LRRC40: variants seen among roughly 807,000 people sequenced by gnomAD.
The protein encoded by LRRC40 is leucine rich repeat containing 40.
In LRRC40, 76 loss-of-function variants were observed where a neutral mutation model predicts 72.8. The ratio of observed to expected loss-of-function variants is 1.04; its 90% CI spans 0.87 to 1.26. The LOEUF is 1.26. Ranked by LOEUF, LRRC40 falls within the 50% of genes most tolerant of loss-of-function variation. The probability of loss-of-function intolerance (pLI) is 0.00; values close to 1 mark genes in which losing one functional copy is unlikely to be tolerated. For synonymous variants in LRRC40, 243 were observed against 254.2 expected (o/e 0.96, Z 0.42); for missense variants, 684 against 698.9 (o/e 0.98, Z 0.24).
rs750375562 is a variant in LRRC40 at position 70,173,613 on chromosome 1, T to C, written c.1065+9A>G. 3 of 1,538,064 alleles carry C rather than the reference T, an allele frequency of 2.0e-6. No homozygotes were observed. In the South Asian group the frequency reaches 3.5e-5, roughly 18 times the overall value. Reference sequence around the variant, plus strand: ...ATTTAACAAAGAGCTGAATTCCAAATATACTTACACTTATAATTTCTCTTC... The same window carrying C: ...ATTTAACAAAGAGCTGAATTCCAAACATACTTACACTTATAATTTCTCTTC... On this transcript the variant is annotated intron_variant, in intron 8 of 14. Transcript: ENST00000370952.
Position 70,205,558 on chromosome 1 carries a change from C to G in LRRC40, c.-18G>C. ...CGCGACATGTTCAAAGTCCTAGGTC[C>G]AGAAGCTGCAGCCCCACCCGTGACG... On this transcript the variant is annotated 5_prime_UTR_variant, in exon 1 of 15. Transcript: ENST00000370952. 2.5e-6 allele frequency: 4 copies of G among 1,573,986 alleles called. 1 individual carries two copies. Among genetic ancestry groups the G allele is most frequent in the Middle Eastern group, 4.0e-4 (2 of 4,952 alleles).
rs1479458719 is a variant in LRRC40, at chr1:70,152,503, TGAGATCGACATCA to T, written c.1356_1368del (p.Asp453ValfsTer18). 6.2e-7 allele frequency: 1 copy of T among 1,608,096 alleles called. No homozygotes were observed. Among genetic ancestry groups the T allele is most frequent in the Admixed American group, 1.7e-5 (1 of 59,798 alleles). ...GATATAAAGGAAAGTTTATTAAAACTGAGATCGACATCAGAAACCATTTCCTTCAGTTCTACCA... is the reference window on the plus strand; with the variant it reads ...GATATAAAGGAAAGTTTATTAAAACTGAAACCATTTCCTTCAGTTCTACCA... On this transcript the variant is annotated frameshift_variant, in exon 12 of 15. Transcript: ENST00000370952. LOFTEE classifies it high-confidence loss of function.
chr1:70,179,011 T>A lies in LRRC40; in HGVS notation c.662-18A>T. 1.4e-6 allele frequency: 2 copies of A among 1,449,674 alleles called. No homozygotes were observed. Among genetic ancestry groups the A allele is most frequent in the Admixed American group, 2.4e-5 (1 of 42,538 alleles). 89.8% of individuals were successfully genotyped at this position (1,449,674 alleles called of 1,614,324 possible). A position where few individuals can be genotyped will look rare whatever the true frequency, so the allele number is the denominator to read the frequency against. On this transcript the variant is annotated intron_variant, in intron 5 of 14. Transcript: ENST00000370952. Reference sequence around the variant, plus strand: ...CTTCAACCCTGTAATATATATTCAGTAAAAAACAAAAATAGAGAAAAAAAA... The same window carrying A: ...CTTCAACCCTGTAATATATATTCAGAAAAAAACAAAAATAGAGAAAAAAAA...
intron 13 of LRRC40, among the ~76,000 whole-genome samples, chr1:70,150,481 G>T (rs1276421522): frequency 1.3e-5 from 2 of 152,152 alleles, no homozygotes; most frequent in African/African-American, 2.4e-5. Flanking sequence ...TACAGCACCA[G>T]CAGAATAATA....
chr1:70,179,089 G>T, intron 5 of LRRC40, 96 bp from the exon 6 acceptor site: 1 of 609,298 alleles, frequency 1.6e-6, no homozygotes, highest in South Asian at 4.2e-5. Flanking sequence ...ATCGCTATGA[G>T]GACTTATGAA....
intron 2 of LRRC40, 101 bp downstream of exon 2, chr1:70,188,991 G>T: frequency 1.1e-6 from 1 of 929,390 alleles, no homozygotes; most frequent in Non-Finnish European, 1.6e-6. Context: ...ATCTGTCCTT[G>T]CATTACCAAC....
chr1:70,160,907 T>C (rs1195247935), intron 9 of LRRC40, among the ~76,000 whole-genome samples: 1 of 150,888 alleles, frequency 6.6e-6, no homozygotes, highest in African/African-American at 2.4e-5. Flanking sequence ...CCAAACACAA[T>C]AAATAAAAGT....
Position 70,189,083 on chromosome 1 carries a change from T to C in LRRC40, c.333+9A>G. On this transcript the variant is annotated intron_variant, in intron 2 of 14. Coordinates refer to ENST00000370952, the MANE Select transcript of LRRC40 (RefSeq NM_017768.5). ...ATTAATAATCCATATTTATAGTCAG[T>C]CAACTTACATCAAGAACAGTCAGTG... The C allele has an allele frequency of 6.2e-7, 1 of 1,602,646 alleles. No homozygotes were observed.
chr1:70,198,482 TC>T (rs904168408), intron 1 of LRRC40, among the ~76,000 whole-genome samples: 1 of 152,168 alleles, frequency 6.6e-6, no homozygotes, highest in African/African-American at 2.4e-5. Context: ...CACCTCCAAC[TC>T]CATCTTCATT....
chr1:70,175,737 T>A (rs1668088686), intron 7 of LRRC40, 73 bp downstream of exon 7: 4 of 1,150,126 alleles, frequency 3.5e-6, no homozygotes, highest in Non-Finnish European at 4.8e-6. Context: ...CTTGGTTTTT[T>A]AACAAATATT....
chr1:70,165,791 T>A (rs902179266), intron 9 of LRRC40, among the ~76,000 whole-genome samples: 1 of 152,168 alleles, frequency 6.6e-6, no homozygotes, highest in African/African-American at 2.4e-5. Flanking sequence ...TTAGGCCCCA[T>A]TACCCCAAAA....
chr1:70,189,016 T>G (rs1668429985), intron 2 of LRRC40, 76 bp downstream of exon 2: 1 of 1,309,006 alleles, frequency 7.6e-7, no homozygotes, highest in Non-Finnish European at 1.1e-6. Flanking sequence ...CATGAAAGGT[T>G]TTCTGCTACC....
chr1:70,153,421 GAA>G (rs778504420), intron 11 of LRRC40, among the ~76,000 whole-genome samples: 1 of 142,516 alleles, frequency 7.0e-6, no homozygotes, highest in East Asian at 2.0e-4. Flanking sequence ...CATTAGCAAA[GAA>G]AAAAAAAAGA....
rs752934143 is a variant in LRRC40 at position 70,205,493 on chromosome 1, G to A, written c.48C>T (p.Phe16=). The part of the protein sequence containing the change: ...RIAGQDLRAG[F]KAGGRDCGTS... ...TACCGCAGTCTCTTCCACCTGCTTTGAAACCAGCGCGGAGATCCTGCCCCG... is the reference window on the plus strand; with the variant it reads ...TACCGCAGTCTCTTCCACCTGCTTTAAAACCAGCGCGGAGATCCTGCCCCG... The change falls in exon 1 of 15, where the codon TTC becomes TTT. Residue 16 remains phenylalanine, a synonymous_variant. Coordinates refer to ENST00000370952, the MANE Select transcript of LRRC40 (RefSeq NM_017768.5). 3.7e-6 allele frequency: 6 copies of A among 1,606,936 alleles called. No homozygotes were observed. The South Asian group carries it at 6.6e-5, about 18-fold the overall frequency.
chr1:70,146,938 G>C (rs984621206), intron 14 of LRRC40: 2 of 151,954 alleles, frequency 1.3e-5, no homozygotes, highest in Non-Finnish European at 2.9e-5. Context: ...AAAATCAAAG[G>C]ACTCAACCAT....
intron 9 of LRRC40, among the ~76,000 whole-genome samples, chr1:70,162,924 T>C (rs796464152): frequency 7.9e-5 from 12 of 152,334 alleles, no homozygotes; most frequent in African/African-American, 2.9e-4. Flanking sequence ...ATGAGTTTTC[T>C]ATGGTTGCTT....
chr1:70,167,019 T>C (rs1035943649), intron 9 of LRRC40, among the ~76,000 whole-genome samples: 2 of 152,112 alleles, frequency 1.3e-5, no homozygotes, highest in South Asian at 2.1e-4. Flanking sequence ...GATACATATA[T>C]GGAGAAGTTC....
intron 2 of LRRC40, among the ~76,000 whole-genome samples, chr1:70,188,118 G>C (rs1340106624): frequency 6.6e-6 from 1 of 152,112 alleles, no homozygotes. Context: ...AAGAACCTTA[G>C]AGTAAGCCAA....
chr1:70,188,141 A>G (rs759456085), intron 2 of LRRC40, among the ~76,000 whole-genome samples: 1 of 152,144 alleles, frequency 6.6e-6, no homozygotes, highest in Non-Finnish European at 1.5e-5. Context: ...CATTCATTTT[A>G]CAAATGAAGA....
Sources: allele counts gnomAD v4.1 joint callset (sites outside exome capture counted in the v4.1 genomes callset), GRCh38; gene constraint gnomAD v4.1.1; transcripts MANE v1.5; gene names NCBI Gene and HGNC (gene_info 2026-07-23, HGNC 2026-07-21).